Variants in MTA3 observed in about 807,000 individuals in gnomAD.
MTA3 encodes the protein metastasis associated 1 family member 3, also known as metastasis-associated protein MTA3.
A neutral mutation model predicts 83.5 loss-of-function variants in MTA3; 34 were observed. That is an observed-to-expected ratio of 0.41 (90% CI 0.31 to 0.54). The LOEUF is 0.54. MTA3 is among the 20% of genes least tolerant of loss of function. The pLI, the probability that MTA3 is intolerant of heterozygous loss-of-function variation, is 0.33. For synonymous variants in MTA3, 303 were observed against 252.7 expected, an observed-to-expected ratio of 1.20 and a Z score of -1.89; for missense variants, 761 against 726.4, an observed-to-expected ratio of 1.05 and a Z score of -0.55.
intron 16 of MTA3, among the ~76,000 whole-genome samples, chr2:42,746,045 A>T (rs575683655): frequency 6.6e-6 from 1 of 151,118 alleles, no homozygotes; most frequent in Non-Finnish European, 1.5e-5. Flanking sequence ...ATCTCCTGAC[A>T]TTGTGATCCA....
At position 42,617,551 on chromosome 2, in the gene MTA3, C is replaced by T. The variant is rs531437921; in HGVS notation, c.317+7967C>T. On this transcript the variant is annotated intron_variant, in intron 4 of 16. Coordinates refer to ENST00000405094, the MANE Select transcript of MTA3 (RefSeq NM_001330442.2). ...TTGAGGCCGGGCATGGTGGCTCAAA[C>T]GTGTAATCCCAGCACTTTGGGAGGT... 7.2e-5 allele frequency among the ~76,000 whole-genome samples: 11 copies of T among 152,132 alleles called. No individual in the cohort carries two copies. In the South Asian group the frequency reaches 1.2e-3, roughly 17 times the overall value.
At chr2:42,753,230 A>G in intron 16 of MTA3, 144 bp from the exon 17 acceptor site, 1 of 1,432,546 alleles carries the variant, frequency 7.0e-7, no homozygotes, top group Non-Finnish European at 9.4e-7. Context: ...CACCTGGCCT[A>G]GTCATGAGAT....
chr2:42,518,590 C>G (rs1675263247), intron 2 of MTA3, among the ~76,000 whole-genome samples: 1 of 152,094 alleles, frequency 6.6e-6, no homozygotes, highest in African/African-American at 2.4e-5. Flanking sequence ...AGAATAATTC[C>G]AAATCATTGA....
chr2:42,656,114 T>A, intron 6 of MTA3, 86 bp from the exon 7 acceptor site: 4 of 1,012,658 alleles, frequency 4.0e-6, no homozygotes, highest in Non-Finnish European at 6.1e-6. Context: ...TAAACATTTC[T>A]AATGCTATGG....
chr2:42,546,108 A>C (rs1676748067), intron 2 of MTA3, among the ~76,000 whole-genome samples: 1 of 152,178 alleles, frequency 6.6e-6, no homozygotes, highest in South Asian at 2.1e-4. Context: ...GAAGGGAAGG[A>C]GGGAGGGAGG....
At chr2:42,741,936 C>G (rs542703028) in intron 16 of MTA3, among the ~76,000 whole-genome samples, 15 of 152,114 alleles carry the variant, frequency 9.9e-5, no homozygotes, top group African/African-American at 3.4e-4. Context: ...TGCAGAGTTG[C>G]CAACAAAGCT....
chr2:42,530,098 T>C (rs978194491), intron 2 of MTA3, among the ~76,000 whole-genome samples: 2 of 150,198 alleles, frequency 1.3e-5, no homozygotes, highest in Non-Finnish European at 3.0e-5. Context: ...GGCAGGAGAA[T>C]AGCTTGAAAC....
Position 42,515,339 on chromosome 2 carries a change from G to A in MTA3, c.-141+20085G>A, listed in dbSNP as rs142609897. 7.5e-3 allele frequency among the ~76,000 whole-genome samples: 1,140 copies of A among 152,008 alleles called. 12 individuals are homozygous for A. The highest frequency in any genetic ancestry group is 0.026 in the African/African-American group (1,076 of 41,478). On this transcript the variant is annotated intron_variant, in intron 2 of 17. Coordinates refer to the MTA3 transcript ENST00000405592. ...CTCCCAAAGTGCTGGGAATACAGGT[G>A]TGAGCCAGTGTGCCCAGCCTATTTT...
chr2:42,644,295 C>A, intron 6 of MTA3, 51 bp downstream of exon 6: 1 of 1,200,756 alleles, frequency 8.3e-7, no homozygotes, highest in Non-Finnish European at 1.2e-6. Flanking sequence ...TATCTTGAAA[C>A]TCAAATATAC....
chr2:42,681,983 G>A (rs1042764177), intron 8 of MTA3, among the ~76,000 whole-genome samples: 14 of 152,044 alleles, frequency 9.2e-5, no homozygotes, highest in African/African-American at 2.7e-4. Flanking sequence ...ATAGTGGGAG[G>A]ATCAGTTGAG....
intron 4 of MTA3, among the ~76,000 whole-genome samples, chr2:42,625,792 C>T (rs1686018093): frequency 1.3e-5 from 2 of 150,782 alleles, no homozygotes; most frequent in South Asian, 2.1e-4. Flanking sequence ...ACAGTATCCT[C>T]ACCAGTCATT....
intron 2 of MTA3, among the ~76,000 whole-genome samples, chr2:42,545,735 T>C (rs1676730821): frequency 6.6e-6 from 1 of 152,188 alleles, no homozygotes; most frequent in Non-Finnish European, 1.5e-5. Context: ...ATGTGTACCT[T>C]AAAGAAGCTT....
intron 8 of MTA3, among the ~76,000 whole-genome samples, chr2:42,668,120 A>T (rs1053324495): frequency 2.0e-4 from 30 of 152,294 alleles, no homozygotes; most frequent in African/African-American, 7.2e-4. Context: ...GTGCAGCCAC[A>T]CTATGAGTTG....
intron 2 of MTA3, chr2:42,533,011 C>A: frequency 5.2e-6 from 1 of 191,280 alleles, no homozygotes. Context: ...TGTTTGTTTA[C>A]AGCAATGCCA....
chr2:42,652,588 C>G (rs912630985), intron 6 of MTA3, among the ~76,000 whole-genome samples: 6 of 152,124 alleles, frequency 3.9e-5, no homozygotes, highest in African/African-American at 1.4e-4. Flanking sequence ...TCAAATGATC[C>G]TCCTACCTTG....
intron 12 of MTA3, among the ~76,000 whole-genome samples, chr2:42,704,931 G>A (rs1451675023): frequency 1.3e-5 from 2 of 152,180 alleles, no homozygotes; most frequent in Non-Finnish European, 2.9e-5. Context: ...TAAATCTCAA[G>A]CAAGGATACA....
intron 8 of MTA3, among the ~76,000 whole-genome samples, chr2:42,671,505 C>G (rs1454697699): frequency 6.6e-6 from 1 of 151,768 alleles, no homozygotes; most frequent in Non-Finnish European, 1.5e-5. Flanking sequence ...TAGGTTTACT[C>G]TAATATTCTT....
At chr2:42,512,942 A>T (rs1344921278) in intron 2 of MTA3, among the ~76,000 whole-genome samples, 1 of 152,186 alleles carries the variant, frequency 6.6e-6, no homozygotes, top group East Asian at 1.9e-4. Context: ...CAGGACCCTT[A>T]AGAAAACTCC....
At chr2:42,494,908 A>C (rs3796077) in exon 1 of MTA3, 1 of 152,264 alleles carries the variant, frequency 6.6e-6, no homozygotes, top group African/African-American at 2.4e-5. Context: ...CGTGCCCAGA[A>C]AGCGGGTTCC....
Sources: allele counts gnomAD v4.1 joint callset (sites outside exome capture counted in the v4.1 genomes callset), GRCh38; gene constraint gnomAD v4.1.1; transcripts MANE v1.5; gene names NCBI Gene and HGNC (gene_info 2026-07-23, HGNC 2026-07-21).